MGAT4C: variants seen among roughly 807,000 people sequenced by gnomAD.
MGAT4C encodes the protein MGAT4 family member C.
In MGAT4C, 19 loss-of-function variants were observed where a neutral mutation model predicts 40.1. The ratio of observed to expected loss-of-function variants is 0.47; its 90% confidence interval spans 0.33 to 0.70. The LOEUF (loss-of-function observed/expected upper bound fraction) is 0.70, where lower values mean the gene tolerates loss of function less well. MGAT4C is among the 30% of genes least tolerant of loss of function. The pLI, the probability that MGAT4C is intolerant of heterozygous loss-of-function variation, is 0.02. For missense variants in MGAT4C, 491 were observed against 563.2 expected, an observed-to-expected ratio of 0.87 and a Z score of 1.30; for synonymous variants, 181 against 187.1, an observed-to-expected ratio of 0.97 and a Z score of 0.27.
intron 1 of MGAT4C, among the ~76,000 whole-genome samples, chr12:86,175,920 G>A (rs1423899501): frequency 3.9e-5 from 6 of 151,956 alleles, no homozygotes; most frequent in South Asian, 4.2e-4. Context: ...GCAGTGAGCC[G>A]ATATCGCGCC....
At chr12:86,677,845 T>C (rs1363523949) in intron 2 of MGAT4C, among the ~76,000 whole-genome samples, 2 of 152,078 alleles carry the variant, frequency 1.3e-5, no homozygotes, top group African/African-American at 4.8e-5. Flanking sequence ...TAACCTTTCT[T>C]CATACTTCAG....
intron 2 of MGAT4C, among the ~76,000 whole-genome samples, chr12:86,559,003 G>A (rs900783559): frequency 1.3e-5 from 2 of 151,828 alleles, no homozygotes; most frequent in Non-Finnish European, 2.9e-5. Context: ...ACTACAGACA[G>A]TCTATGCAAT....
At chr12:86,815,956 T>A (rs2136221728) in intron 1 of MGAT4C, among the ~76,000 whole-genome samples, 1 of 151,938 alleles carries the variant, frequency 6.6e-6, no homozygotes, top group East Asian at 1.9e-4. Flanking sequence ...AAGAACTTAC[T>A]CTTGTAACCA....
At chr12:86,173,187 C>T (rs372239570) in intron 1 of MGAT4C, among the ~76,000 whole-genome samples, 57 of 152,192 alleles carry the variant, frequency 3.7e-4, no homozygotes, top group African/African-American at 1.2e-3. Context: ...GAAGAGCTTC[C>T]TGTTATCCCT....
At chr12:86,682,226 C>T (rs11829599) in intron 2 of MGAT4C, among the ~76,000 whole-genome samples, 1,578 of 151,926 alleles carry the variant, frequency 0.01, 23 homozygotes, top group African/African-American at 0.036. Flanking sequence ...GCAGTAAAAC[C>T]AGGCAGTAGA....
In MGAT4C at chr12:86,830,398, T is replaced by G. The variant is rs564772181; in HGVS notation, c.-262+8268A>C. ...TCGGTACCTGTAAGGCTGTATGTAT[T>G]GGTCTCTAAGTATGTATTTATCTGT... On this transcript the variant is annotated intron_variant, in intron 1 of 7. Transcript: ENST00000548651. 1.6e-4 allele frequency among the ~76,000 whole-genome samples: 25 copies of G among 151,934 alleles called. No homozygotes were observed. In the East Asian group the frequency reaches 4.7e-3, roughly 28 times the overall value.
chr12:86,232,996 T>G (rs987764480), intron 1 of MGAT4C, among the ~76,000 whole-genome samples: 3 of 152,148 alleles, frequency 2.0e-5, no homozygotes, highest in Non-Finnish European at 4.4e-5. Flanking sequence ...ATTTTAATAA[T>G]TTGTAGAATC....
intron 2 of MGAT4C, among the ~76,000 whole-genome samples, chr12:86,585,057 CTATTATTTG>C (rs1960955946): frequency 6.6e-6 from 1 of 151,238 alleles, no homozygotes; most frequent in Non-Finnish European, 1.5e-5. Context: ...TTATCTCAGT[CTATTATTTG>C]TTATTTGAAT....
intron 2 of MGAT4C, chr12:86,028,190 G>A (rs887807557): frequency 1.0e-5 from 13 of 1,286,244 alleles, no homozygotes; most frequent in African/African-American, 3.0e-5. Context: ...AGCATGAGAC[G>A]TTCCAAGATT....
At chr12:86,563,511 A>G (rs1437813430) in intron 2 of MGAT4C, among the ~76,000 whole-genome samples, 1 of 152,188 alleles carries the variant, frequency 6.6e-6, no homozygotes, top group Non-Finnish European at 1.5e-5. Flanking sequence ...TCCTAAATCA[A>G]TTTTCAAACT....
At chr12:86,060,657 C>A (rs1301643850) in intron 1 of MGAT4C, among the ~76,000 whole-genome samples, 1 of 151,978 alleles carries the variant, frequency 6.6e-6, no homozygotes, top group African/African-American at 2.4e-5. Flanking sequence ...AGAGATAGCA[C>A]AAAATGACTG....
chr12:86,512,489 CTTGGAGTA>C (rs1958606085), intron 2 of MGAT4C, among the ~76,000 whole-genome samples: 1 of 151,992 alleles, frequency 6.6e-6, no homozygotes, highest in South Asian at 2.1e-4. Flanking sequence ...ATGAATGATA[CTTGGAGTA>C]TCATTCATAA....
intron 2 of MGAT4C, among the ~76,000 whole-genome samples, chr12:86,476,188 C>A (rs1434640113): frequency 1.3e-5 from 2 of 152,008 alleles, no homozygotes; most frequent in African/African-American, 4.8e-5. Context: ...ACAAATTATG[C>A]ATCTGACAAA....
At chr12:86,372,674 T>C (rs1456070009) in intron 3 of MGAT4C, among the ~76,000 whole-genome samples, 3 of 151,954 alleles carry the variant, frequency 2.0e-5, no homozygotes, top group Admixed American at 2.0e-4. Context: ...GACAATGTAA[T>C]GTTGCATTTA....
intron 2 of MGAT4C, among the ~76,000 whole-genome samples, chr12:86,479,812 A>C (rs1431340637): frequency 6.6e-6 from 1 of 151,906 alleles, no homozygotes; most frequent in Non-Finnish European, 1.5e-5. Context: ...CAAAAATAAA[A>C]TTGGGAGTAA....
At position 86,837,511 on chromosome 12, in the gene MGAT4C, G is replaced by T. The variant is rs1002410625; in HGVS notation, c.-262+1155C>A. ...TCTCTTGAGCCTGTATTAACCCACT[G>T]AAGGGAACACAAACTCTGTGTTCCA... On this transcript the variant is annotated intron_variant, in intron 1 of 7. Transcript: ENST00000548651. Among the ~76,000 whole-genome samples, 6 of 152,124 alleles carry T rather than the reference G, an allele frequency of 3.9e-5. No homozygotes were observed. In the South Asian group the frequency reaches 1.2e-3, roughly 32 times the overall value.
chr12:86,101,763 T>G (rs1205085716), intron 1 of MGAT4C, among the ~76,000 whole-genome samples: 2 of 151,786 alleles, frequency 1.3e-5, no homozygotes, highest in African/African-American at 4.8e-5. Flanking sequence ...ACTCAGAAAA[T>G]TAATGCACCC....
At chr12:86,303,194 A>T (rs541792979) in intron 4 of MGAT4C, among the ~76,000 whole-genome samples, 1 of 150,558 alleles carries the variant, frequency 6.6e-6, no homozygotes, top group African/African-American at 2.5e-5. Context: ...TTAGAATTTG[A>T]TATAAACTGA....
At chr12:86,082,820 A>T (rs2135547284) in intron 1 of MGAT4C, among the ~76,000 whole-genome samples, 1 of 152,216 alleles carries the variant, frequency 6.6e-6, no homozygotes, top group African/African-American at 2.4e-5. Flanking sequence ...AATAATTCTA[A>T]CATGTTTTAT....
Sources: allele counts gnomAD v4.1 joint callset (sites outside exome capture counted in the v4.1 genomes callset), GRCh38; gene constraint gnomAD v4.1.1; transcripts MANE v1.5; gene names NCBI Gene and HGNC (gene_info 2026-07-23, HGNC 2026-07-21).